Variants in MME observed in about 807,000 individuals in gnomAD.
The protein encoded by MME is neprilysin.
A neutral mutation model predicts 113.2 loss-of-function variants in MME; 98 were observed. The ratio of observed to expected loss-of-function variants is 0.87; its 90% CI spans 0.74 to 1.02. The LOEUF (loss-of-function observed/expected upper bound fraction) is 1.02, where lower values mean the gene tolerates loss of function less well. Ranked by LOEUF, MME falls within the 50% of genes least tolerant of loss-of-function variation. MME has a pLI of 0.00. For missense variants in MME, 836 were observed against 896.0 expected (o/e 0.93, Z 0.86); for synonymous variants, 292 against 300.6 (o/e 0.97, Z 0.30).
intron 1 of MME, among the ~76,000 whole-genome samples, chr3:155,054,733 C>T (rs987312324): frequency 6.6e-6 from 1 of 152,178 alleles, no homozygotes; most frequent in African/African-American, 2.4e-5. Flanking sequence ...TGGAGAATTG[C>T]TTGAACCCAG....
chr3:155,118,910 G>A (rs1718857951), intron 8 of MME, 99 bp downstream of exon 8: 6 of 802,648 alleles, frequency 7.5e-6, no homozygotes, highest in Non-Finnish European at 1.3e-5. Flanking sequence ...TTAGCCCTCT[G>A]ATGTTTTTCA....
intron 3 of MME, among the ~76,000 whole-genome samples, chr3:155,092,216 AC>A (rs1387085900): frequency 1.3e-5 from 2 of 152,290 alleles, no homozygotes; most frequent in Non-Finnish European, 2.9e-5. Flanking sequence ...TCACGGATGC[AC>A]CCAGAAATAA....
At chr3:155,142,214 G>T (rs1181112480) in intron 11 of MME, 23 bp from the exon 12 acceptor site, 1 of 1,612,526 alleles carries the variant, frequency 6.2e-7, no homozygotes, top group South Asian at 1.1e-5. Flanking sequence ...TTCTGTTGCT[G>T]GGCGGTGGTT....
chr3:155,181,234 G>A lies in MME; in HGVS notation c.*775G>A, dbSNP rs1188972973. 4 of 151,800 alleles carry A rather than the reference G, an allele frequency of 2.6e-5. No individual in the cohort carries two copies. Among genetic ancestry groups the A allele is most frequent in the Non-Finnish European group, 5.9e-5 (4 of 67,972 alleles). The allele number at this position is 151,800 out of a possible 1,614,324, so 9.4% of individuals were successfully genotyped here. ...ATATTTAATTATTAACTACATTTAT[G>A]AGTAACTATTATTATAGGTAATCAA... is the stretch of plus-strand genomic sequence containing the variant. On this transcript the variant is annotated 3_prime_UTR_variant, in exon 23 of 23. Coordinates refer to ENST00000360490, the MANE Select transcript of MME (RefSeq NM_007289.4).
chr3:155,070,100 A>C (rs768727008), intron 1 of MME, among the ~76,000 whole-genome samples: 8 of 152,242 alleles, frequency 5.3e-5, no homozygotes, highest in African/African-American at 9.6e-5. Context: ...AAAGCAAGAC[A>C]ATCATATTGT....
In MME at chr3:155,158,868, A is replaced by C. The variant is rs151108441; in HGVS notation, c.1602-1522A>C. The C allele has an allele frequency of 3.7e-3, 557 of 152,038 alleles. 1 individual carries two copies. Among genetic ancestry groups the C allele is most frequent in the African/African-American group, 0.013 (526 of 41,516 alleles). The allele number at this position is 152,038 out of a possible 1,614,324, so 9.4% of individuals were successfully genotyped here. A position where few individuals can be genotyped will look rare whatever the true frequency, so the allele number is the denominator to read the frequency against. On this transcript the variant is annotated intron_variant, in intron 16 of 22. Transcript: ENST00000360490. The stretch of plus-strand genomic sequence containing the variant: ...GAAATTAAGGAGGACTGATATTATC[A>C]GTCCCCCCCCATCCTGTTTAAAAAT...
At position 155,148,577 on chromosome 3, in the gene MME, G is replaced by T; in HGVS notation, c.1525G>T (p.Glu509Ter). 6.2e-7 allele frequency: 1 copy of T among 1,610,660 alleles called. No individual in the cohort carries two copies. The highest frequency in any genetic ancestry group is 8.5e-7 in the Non-Finnish European group (1 of 1,177,336). ...GAACTACAAAGAAGATGAATACTTC[G>T]AGAACATAATTCAAAATTTGAAATT... ...ELNYKEDEYFENIIQNLKFSQ... is the reference protein window; with the variant it reads ...ELNYKEDEYF Residue 509 changes from glutamate to a stop codon, truncating the protein, a stop_gained, in exon 16 of 23, where the codon GAG becomes TAG. Coordinates refer to ENST00000360490, the MANE Select transcript of MME (RefSeq NM_007289.4). LOFTEE classifies it high-confidence loss of function.
At chr3:155,032,627 A>G (rs925945675) in intron 1 of MME, among the ~76,000 whole-genome samples, 1 of 152,228 alleles carries the variant, frequency 6.6e-6, no homozygotes, top group Non-Finnish European at 1.5e-5. Context: ...GGTCAGATGA[A>G]CAAAAACCAT....
At chr3:155,178,618 C>T (rs1712792403) in intron 22 of MME, among the ~76,000 whole-genome samples, 1 of 152,064 alleles carries the variant, frequency 6.6e-6, no homozygotes, top group Non-Finnish European at 1.5e-5. Flanking sequence ...ACAGCATCTT[C>T]CCTCAGCATC....
intron 16 of MME, among the ~76,000 whole-genome samples, chr3:155,157,753 C>T (rs1722422526): frequency 6.6e-6 from 1 of 152,086 alleles, no homozygotes; most frequent in Non-Finnish European, 1.5e-5. Context: ...TTTGAGGGCA[C>T]ATCAAGAAAG....
chr3:155,104,965 A>G (rs2108225964), intron 3 of MME, among the ~76,000 whole-genome samples: 1 of 152,310 alleles, frequency 6.6e-6, no homozygotes, highest in East Asian at 1.9e-4. Context: ...TTTTAGACTT[A>G]TGGCACTTTA....
intron 3 of MME, chr3:155,112,549 A>T (rs533604662): frequency 6.6e-6 from 1 of 152,294 alleles, no homozygotes; most frequent in Admixed American, 6.5e-5. Context: ...AAAACTTTGG[A>T]GTGGAAAATG....
At chr3:155,119,674 T>G (rs1275549932) in intron 8 of MME, among the ~76,000 whole-genome samples, 1 of 151,002 alleles carries the variant, frequency 6.6e-6, no homozygotes, top group African/African-American at 2.4e-5. Flanking sequence ...GGTGTTTGGT[T>G]TTTTGTTCTT....
At chr3:155,133,038 C>T (rs1720264776) in intron 8 of MME, among the ~76,000 whole-genome samples, 1 of 19,394 alleles carries the variant, frequency 5.2e-5, no homozygotes, top group Non-Finnish European at 1.2e-4. Flanking sequence ...CAAACCCCGT[C>T]TAAAAAAAAA....
rs1553749773 is a variant in MME, at chr3:155,042,915, T to TATATATATAC, written c.-11+18600_-11+18601insCATATATATA. Among the ~76,000 whole-genome samples the TATATATATAC allele has an allele frequency of 2.5e-3, 114 of 45,340 alleles. 1 individual carries two copies. In the East Asian group the frequency reaches 0.05, roughly 20 times the overall value. 29.7% of individuals were successfully genotyped at this position (45,340 alleles called of 152,430 possible). ...ATAGTAGGTTTTATATATATATATA[T>TATATATATAC]ATATATATATATATATATATATATG... is the stretch of plus-strand genomic sequence containing the variant. On this transcript the variant is annotated intron_variant, in intron 1 of 22. Coordinates refer to the MME transcript ENST00000492661.
intron 16 of MME, among the ~76,000 whole-genome samples, chr3:155,157,415 T>C (rs1214687861): frequency 6.6e-6 from 1 of 152,090 alleles, no homozygotes. Flanking sequence ...CTACACTATC[T>C]ATTATTTTAG....
chr3:155,165,031 ACTAGAT>A (rs1722989898), intron 17 of MME, among the ~76,000 whole-genome samples: 3 of 152,188 alleles, frequency 2.0e-5, no homozygotes, highest in Admixed American at 2.0e-4. Context: ...CTCTGTGTTA[ACTAGAT>A]CTTAAATTTC....
intron 1 of MME, among the ~76,000 whole-genome samples, chr3:155,038,460 C>G (rs976399269): frequency 6.6e-6 from 1 of 152,144 alleles, no homozygotes; most frequent in African/African-American, 2.4e-5. Context: ...TTCCAAGAAC[C>G]TTTCATAGAA....
chr3:155,078,166 G>C (rs1269056775), upstream of MME, among the ~76,000 whole-genome samples: 1 of 151,996 alleles, frequency 6.6e-6, no homozygotes, highest in Non-Finnish European at 1.5e-5. Flanking sequence ...TTGAACCCAG[G>C]AGGCAGAGAT....
Sources: gnomAD v4.1 joint callset for allele counts (sites outside exome capture counted in the v4.1 genomes callset) on GRCh38, gnomAD v4.1.1 for gene constraint, MANE v1.5 for transcripts, NCBI Gene and HGNC (gene_info 2026-07-23, HGNC 2026-07-21) for gene names.